The following RNF111 variants were observed in gnomAD, a reference collection of about 807,000 sequenced individuals.
RNF111 encodes ring finger protein 111.
Under a neutral mutation model 95.1 loss-of-function variants are expected in RNF111, and 17 were observed. That is an observed-to-expected ratio of 0.18 (90% CI 0.12 to 0.27). RNF111 has a LOEUF of 0.27. Among genes scored for constraint, RNF111 ranks in the 10% least tolerant of loss-of-function variants. RNF111 has a pLI of 1.00. For synonymous variants in RNF111, 440 were observed against 414.8 expected (o/e 1.06, Z -0.74); for missense variants, 1,189 against 1,210.4 (o/e 0.98, Z 0.26).
At chr15:59,063,639 G>A (rs2042533315) in intron 5 of RNF111, among the ~76,000 whole-genome samples, 1 of 152,168 alleles carries the variant, frequency 6.6e-6, no homozygotes, top group Non-Finnish European at 1.5e-5. Context: ...GAGGCTAATT[G>A]GTTGTCTTTA....
intron 1 of RNF111, chr15:59,004,113 A>T: frequency 8.5e-7 from 1 of 1,169,930 alleles, no homozygotes; most frequent in Non-Finnish European, 1.1e-6. Context: ...TATTTATTTT[A>T]TTCCAGTGTG....
intron 1 of RNF111, among the ~76,000 whole-genome samples, chr15:58,996,518 T>A (rs2141398515): frequency 6.6e-6 from 1 of 151,642 alleles, no homozygotes; most frequent in South Asian, 2.1e-4. Context: ...GAGGTGGAGG[T>A]TGCAGTGAGC....
intron 1 of RNF111, among the ~76,000 whole-genome samples, chr15:59,020,232 T>C (rs2040270592): frequency 6.7e-6 from 1 of 149,794 alleles, no homozygotes; most frequent in African/African-American, 2.4e-5. Flanking sequence ...AAAGATAATA[T>C]GTATATACTG....
At chr15:59,055,511 T>C (rs1274784726) in intron 3 of RNF111, among the ~76,000 whole-genome samples, 171 bp from the exon 4 acceptor site, 3 of 74,778 alleles carry the variant, frequency 4.0e-5, no homozygotes, top group African/African-American at 2.3e-4. Context: ...TTTCTTATAT[T>C]CTTAGGTCAA....
At chr15:59,090,028 A>G (rs1388236412) in intron 11 of RNF111, among the ~76,000 whole-genome samples, 3 of 152,260 alleles carry the variant, frequency 2.0e-5, no homozygotes, top group African/African-American at 7.2e-5. Flanking sequence ...AATGTCAGAT[A>G]TATAACTATA....
chr15:59,016,632 A>G (rs1416803678), intron 1 of RNF111, among the ~76,000 whole-genome samples: 6 of 152,142 alleles, frequency 3.9e-5, no homozygotes, highest in Admixed American at 2.0e-4. Context: ...ACCTATTTCA[A>G]ACAGTATTTC....
chr15:59,006,548 T>TATGATTGATTGTATG (rs2039547294), intron 1 of RNF111, among the ~76,000 whole-genome samples: 2 of 152,260 alleles, frequency 1.3e-5, no homozygotes, highest in Admixed American at 1.3e-4. Context: ...GAAAGAATTG[T>TATGATTGATTGTATG]ACAGTGAACG....
intron 1 of RNF111, among the ~76,000 whole-genome samples, chr15:59,014,879 C>T (rs1357112344): frequency 2.0e-5 from 3 of 151,872 alleles, no homozygotes; most frequent in Non-Finnish European, 2.9e-5. Flanking sequence ...CCTCAGCCTT[C>T]TGAATAGCTG....
intron 1 of RNF111, among the ~76,000 whole-genome samples, chr15:58,997,115 T>C (rs1289789282): frequency 6.6e-6 from 1 of 152,202 alleles, no homozygotes; most frequent in Non-Finnish European, 1.5e-5. Flanking sequence ...AAGTAATATA[T>C]ACAAAGTGTA....
intron 5 of RNF111, among the ~76,000 whole-genome samples, chr15:59,061,834 T>C (rs1045881427): frequency 6.6e-6 from 1 of 152,130 alleles, no homozygotes; most frequent in East Asian, 1.9e-4. Context: ...CTAAACTCTT[T>C]CCTCTAATGG....
At chr15:59,011,293 A>G (rs2141547507) in intron 1 of RNF111, among the ~76,000 whole-genome samples, 1 of 152,312 alleles carries the variant, frequency 6.6e-6, no homozygotes, top group South Asian at 2.1e-4. Context: ...CTCTATCATA[A>G]CACTTATACT....
intron 4 of RNF111, among the ~76,000 whole-genome samples, chr15:59,057,592 AC>A (rs1380495687): frequency 6.6e-6 from 1 of 152,116 alleles, no homozygotes; most frequent in Non-Finnish European, 1.5e-5. Context: ...AACTTAACTC[AC>A]TCATAAGTTG....
chr15:59,064,336 C>A (rs2042563527), intron 5 of RNF111, among the ~76,000 whole-genome samples: 1 of 151,846 alleles, frequency 6.6e-6, no homozygotes, highest in African/African-American at 2.4e-5. Flanking sequence ...GAGATCGAGA[C>A]CATCCTGGCT....
chr15:59,006,486 C>T (rs921294710), intron 1 of RNF111, among the ~76,000 whole-genome samples: 1 of 152,162 alleles, frequency 6.6e-6, no homozygotes, highest in Non-Finnish European at 1.5e-5. Context: ...CTCTGCTCAT[C>T]AAATGTTTTC....
chr15:59,027,531 T>G (rs2040676622), intron 1 of RNF111, among the ~76,000 whole-genome samples: 2 of 151,432 alleles, frequency 1.3e-5, no homozygotes, highest in Admixed American at 6.6e-5. Context: ...ATACCTTTTT[T>G]TCTTTTTTTT....
chr15:59,045,944 C>T (rs2041688535), intron 2 of RNF111, among the ~76,000 whole-genome samples: 1 of 152,170 alleles, frequency 6.6e-6, no homozygotes, highest in African/African-American at 2.4e-5. Flanking sequence ...TATATTTGCA[C>T]TGTTAAAAAT....
At chr15:58,989,436 G>C (rs1320433243) in intron 1 of RNF111, among the ~76,000 whole-genome samples, 1 of 152,136 alleles carries the variant, frequency 6.6e-6, no homozygotes, top group African/African-American at 2.4e-5. Flanking sequence ...TCTAAGAATT[G>C]GTGAGGGTGT....
At chr15:59,081,917 G>C (rs35066133) in intron 8 of RNF111, among the ~76,000 whole-genome samples, 60,048 of 151,960 alleles carry the variant, frequency 0.4, 13,830 homozygotes, top group African/African-American at 0.63. Flanking sequence ...CCCAGCTACT[G>C]GGTAGGCTGA....
chr15:59,075,725 GT>G (rs1209234104), intron 6 of RNF111, among the ~76,000 whole-genome samples: 1 of 151,970 alleles, frequency 6.6e-6, no homozygotes, highest in Non-Finnish European at 1.5e-5. Context: ...TTAAAAATTG[GT>G]TTAACTGTAA....
Sources: allele counts gnomAD v4.1 joint callset (sites outside exome capture counted in the v4.1 genomes callset), GRCh38; gene constraint gnomAD v4.1.1; transcripts MANE v1.5; gene names NCBI Gene and HGNC (gene_info 2026-07-23, HGNC 2026-07-21).